The following LSAMP variants were observed in gnomAD, a reference collection of about 807,000 sequenced individuals.
The protein encoded by LSAMP is limbic system associated membrane protein.
LSAMP carries 7 observed loss-of-function variants against 38.6 expected under a neutral mutation model. That is an observed-to-expected ratio of 0.18 (90% CI 0.10 to 0.34). The LOEUF (loss-of-function observed/expected upper bound fraction) is 0.34. Ranked by LOEUF, LSAMP falls within the 10% of genes least tolerant of loss-of-function variation. LSAMP has a pLI of 1.00. For missense variants in LSAMP, 313 were observed against 420.0 expected (o/e 0.75, Z 2.23); for synonymous variants, 154 against 166.8 (o/e 0.92, Z 0.59).
At chr3:115,960,988 G>A (rs1032569437) in intron 3 of LSAMP, among the ~76,000 whole-genome samples, 12 of 152,092 alleles carry the variant, frequency 7.9e-5, no homozygotes, top group Non-Finnish European at 1.0e-4. Context: ...CCTCCCACAC[G>A]CCCAACTTGA....
intron 1 of LSAMP, among the ~76,000 whole-genome samples, chr3:116,112,094 G>T (rs1365124796): frequency 6.6e-6 from 1 of 152,222 alleles, no homozygotes. Flanking sequence ...CAAGGGTAAA[G>T]CTTCTTAGCT....
chr3:115,843,536 C>T (rs1035170425), intron 4 of LSAMP, among the ~76,000 whole-genome samples: 1 of 152,154 alleles, frequency 6.6e-6, no homozygotes, highest in African/African-American at 2.4e-5. Context: ...GGCAACTTGG[C>T]TATGTACACA....
intron 3 of LSAMP, among the ~76,000 whole-genome samples, chr3:115,879,029 G>A (rs1398905185): frequency 6.6e-5 from 10 of 152,080 alleles, no homozygotes; most frequent in African/African-American, 2.4e-4. Context: ...GTTGATGAAA[G>A]TTACATGACA....
At chr3:115,821,931 T>C (rs1163113388) in intron 6 of LSAMP, among the ~76,000 whole-genome samples, 1 of 152,176 alleles carries the variant, frequency 6.6e-6, no homozygotes, top group Non-Finnish European at 1.5e-5. Flanking sequence ...ATTGGCCAAA[T>C]TTTTGAAAAA....
At chr3:115,814,125 A>T (rs1385745926) in intron 6 of LSAMP, 2 of 152,202 alleles carry the variant, frequency 1.3e-5, no homozygotes, top group Non-Finnish European at 2.9e-5. Flanking sequence ...CCAAATGCAG[A>T]AGTTTGGATT....
intron 1 of LSAMP, among the ~76,000 whole-genome samples, chr3:116,419,230 A>G (rs1159743015): frequency 6.6e-6 from 1 of 152,188 alleles, no homozygotes; most frequent in Non-Finnish European, 1.5e-5. Context: ...ATCCCCTACC[A>G]TATCACTACA....
At chr3:116,004,500 ATG>A (rs997674027) in intron 3 of LSAMP, among the ~76,000 whole-genome samples, 9 of 141,686 alleles carry the variant, frequency 6.4e-5, no homozygotes, top group African/African-American at 1.3e-4. Context: ...ATGAAACCAA[ATG>A]TGTGTGTGTA....
intron 1 of LSAMP, among the ~76,000 whole-genome samples, chr3:116,123,928 G>A (rs1023380638): frequency 6.6e-6 from 1 of 152,144 alleles, no homozygotes; most frequent in Non-Finnish European, 1.5e-5. Context: ...GAGAGTATAT[G>A]CCTTCCTTAC....
At position 115,810,231 on chromosome 3, in the gene LSAMP, C is replaced by G; in HGVS notation, c.*86G>C. On this transcript the variant is annotated 3_prime_UTR_variant, in exon 7 of 7. Transcript: ENST00000490035. Reference sequence around the variant, plus strand: ...TAAACGGTCTCCCCCATCTCTCTCTCTCTCTCTCTCTCTGTCTCTCTCTCT... The same window carrying G: ...TAAACGGTCTCCCCCATCTCTCTCTGTCTCTCTCTCTCTGTCTCTCTCTCT... 1 of 927,504 alleles carries G rather than the reference C, an allele frequency of 1.1e-6. No individual in the cohort carries two copies. Among genetic ancestry groups the G allele is most frequent in the African/African-American group, 1.8e-5 (1 of 56,986 alleles). 57.5% of individuals were successfully genotyped at this position (927,504 alleles called of 1,614,324 possible).
chr3:116,372,487 C>T (rs2048442519), intron 1 of LSAMP, among the ~76,000 whole-genome samples: 1 of 151,676 alleles, frequency 6.6e-6, no homozygotes, highest in Non-Finnish European at 1.5e-5. Context: ...GGGCAAATCA[C>T]AACATTTGAT....
intron 2 of LSAMP, among the ~76,000 whole-genome samples, chr3:116,083,360 C>T (rs1182782537): frequency 5.9e-5 from 9 of 152,148 alleles, no homozygotes; most frequent in South Asian, 2.1e-4. Context: ...ATCATCTAAT[C>T]CTTACAATAA....
In LSAMP at chr3:116,401,091, C is replaced by T. The variant is rs556850764; in HGVS notation, c.155+43786G>A. ...GGTAAACCCTGGCCTCCAGGACATC[C>T]AGGATATGAGCCAGATAAGGGCTAA... is the stretch of plus-strand genomic sequence containing the variant. On this transcript the variant is annotated intron_variant, in intron 1 of 6. Coordinates refer to ENST00000490035, the MANE Select transcript of LSAMP (RefSeq NM_002338.5). Among the ~76,000 whole-genome samples the T allele has an allele frequency of 2.0e-5, 3 of 152,268 alleles. No individual in the cohort carries two copies. The South Asian group carries it at 6.2e-4, about 32-fold the overall frequency.
chr3:115,906,122 C>G (rs1559875384), intron 3 of LSAMP, among the ~76,000 whole-genome samples: 1 of 152,168 alleles, frequency 6.6e-6, no homozygotes. Flanking sequence ...AAAAAGATGA[C>G]AAGGTTACCA....
At chr3:116,048,490 CTT>C (rs1941334975) in intron 2 of LSAMP, among the ~76,000 whole-genome samples, 1 of 152,192 alleles carries the variant, frequency 6.6e-6, no homozygotes, top group Admixed American at 6.5e-5. Flanking sequence ...TATAGTGTGA[CTT>C]AGCTATGGAC....
intron 3 of LSAMP, among the ~76,000 whole-genome samples, chr3:115,879,610 C>A (rs1161264716): frequency 6.6e-6 from 1 of 152,076 alleles, no homozygotes; most frequent in Non-Finnish European, 1.5e-5. Context: ...ATGGGCTGTA[C>A]CAATGGAGGG....
At chr3:115,933,347 A>T (rs1038062335) in intron 3 of LSAMP, among the ~76,000 whole-genome samples, 1 of 152,202 alleles carries the variant, frequency 6.6e-6, no homozygotes, top group Admixed American at 6.5e-5. Context: ...TGGTAATAAT[A>T]GTGACAATGC....
intron 1 of LSAMP, among the ~76,000 whole-genome samples, chr3:116,183,903 G>A (rs765854220): frequency 2.0e-5 from 3 of 151,886 alleles, no homozygotes; most frequent in Non-Finnish European, 2.9e-5. Context: ...AGGAAAAGTT[G>A]TAGATACTGG....
chr3:116,419,336 C>A (rs1427066714), intron 1 of LSAMP, among the ~76,000 whole-genome samples: 3 of 152,088 alleles, frequency 2.0e-5, no homozygotes, highest in African/African-American at 7.2e-5. Flanking sequence ...TTTTTTTAAT[C>A]CCCTGAATGT....
chr3:116,312,253 T>C (rs140688947), intron 1 of LSAMP, among the ~76,000 whole-genome samples: 1 of 152,334 alleles, frequency 6.6e-6, no homozygotes, highest in East Asian at 1.9e-4. Context: ...GGTGTTTATA[T>C]GGAGGCTGGC....
Sources: gnomAD v4.1 joint callset for allele counts (sites outside exome capture counted in the v4.1 genomes callset) on GRCh38, gnomAD v4.1.1 for gene constraint, MANE v1.5 for transcripts, NCBI Gene and HGNC (gene_info 2026-07-23, HGNC 2026-07-21) for gene names.